The following CNTN5 variants were observed in gnomAD, a reference collection of about 807,000 sequenced individuals.
CNTN5 encodes contactin 5.
CNTN5 carries 77 observed loss-of-function variants against 129.1 expected under a neutral mutation model. The observed-to-expected ratio is 0.60, with a 90% CI of 0.50 to 0.72. The LOEUF (loss-of-function observed/expected upper bound fraction) is 0.72. Ranked by LOEUF, CNTN5 falls within the 30% of genes least tolerant of loss-of-function variation. CNTN5 has a pLI of 0.00. For synonymous variants in CNTN5, 509 were observed against 465.6 expected (o/e 1.09, Z -1.20); for missense variants, 1,478 against 1,328.8 (o/e 1.11, Z -1.75).
chr11:100,165,454 T>G lies in CNTN5; in HGVS notation c.1581-25672T>G, dbSNP rs568356997. ...TCAAATAAGATAATGTATTGAAAAG[T>G]GACTAATGTATCAAAAGAGCTCTGT... is the stretch of plus-strand genomic sequence containing the variant. On this transcript the variant is annotated intron_variant, in intron 13 of 24. Coordinates refer to ENST00000524871, the MANE Select transcript of CNTN5 (RefSeq NM_014361.4). Among the ~76,000 whole-genome samples the G allele has an allele frequency of 9.5e-5, 7 of 73,634 alleles. No homozygotes were observed. The South Asian group carries it at 2.9e-3, about 31-fold the overall frequency. 48.3% of individuals were successfully genotyped at this position (73,634 alleles called of 152,430 possible). A position where few individuals can be genotyped will look rare whatever the true frequency, so the allele number is the denominator to read the frequency against.
In CNTN5 at chr11:99,285,116, C is replaced by T. The variant is rs188286018; in HGVS notation, c.-209-40230C>T. ...TGTGAATGTGTGGTTTCCCCTGTCA[C>T]CCCTAGCCTTCCAGGTAGGCACCTA... On this transcript the variant is annotated intron_variant, in intron 1 of 24. Coordinates refer to ENST00000524871, the MANE Select transcript of CNTN5 (RefSeq NM_014361.4). Among the ~76,000 whole-genome samples the T allele has an allele frequency of 1.3e-3, 196 of 152,166 alleles. 2 individuals are homozygous for T. Among genetic ancestry groups the T allele is most frequent in the Admixed American group, 6.1e-3 (93 of 15,272 alleles).
chr11:99,597,378 G>A (rs1950158610), intron 3 of CNTN5, among the ~76,000 whole-genome samples: 1 of 152,100 alleles, frequency 6.6e-6, no homozygotes, highest in South Asian at 2.1e-4. Flanking sequence ...TAGTAGAATA[G>A]AGGTAGGAAA....
chr11:100,076,557 T>C (rs1421029381), intron 13 of CNTN5, among the ~76,000 whole-genome samples: 1 of 152,180 alleles, frequency 6.6e-6, no homozygotes, highest in Non-Finnish European at 1.5e-5. Flanking sequence ...TCTTTACTGC[T>C]AACCCTTGGG....
chr11:100,317,454 A>AC (rs1565424414), intron 21 of CNTN5, among the ~76,000 whole-genome samples: 1 of 152,242 alleles, frequency 6.6e-6, no homozygotes, highest in African/African-American at 2.4e-5. Context: ...TATTAATACT[A>AC]CATTAAAGTA....
At chr11:99,326,976 C>T (rs11219402) in intron 2 of CNTN5, among the ~76,000 whole-genome samples, 29,308 of 152,048 alleles carry the variant, frequency 0.19, 2,856 homozygotes, top group Middle Eastern at 0.26. Flanking sequence ...TAAACGTAAA[C>T]ATCTTGGAAG....
intron 2 of CNTN5, among the ~76,000 whole-genome samples, chr11:99,408,541 CT>C: frequency 7.1e-6 from 1 of 141,426 alleles, no homozygotes; most frequent in South Asian, 2.3e-4. Flanking sequence ...AATATGTTGC[CT>C]GGGCTGACCT....
At chr11:99,036,779 A>AAAGT (rs1863756611) in intron 1 of CNTN5, among the ~76,000 whole-genome samples, 1 of 152,210 alleles carries the variant, frequency 6.6e-6, no homozygotes, top group Non-Finnish European at 1.5e-5. Context: ...GTTCTAAAAG[A>AAAGT]AAGTATGTTT....
intron 3 of CNTN5, among the ~76,000 whole-genome samples, chr11:99,629,315 T>A (rs1287744991): frequency 6.6e-6 from 1 of 152,002 alleles, no homozygotes. Context: ...CACTAGGTGG[T>A]GAGATTTTAT....
intron 9 of CNTN5, among the ~76,000 whole-genome samples, chr11:100,008,258 G>T (rs1033122838): frequency 3.3e-5 from 5 of 152,092 alleles, no homozygotes; most frequent in African/African-American, 1.2e-4. Flanking sequence ...AATTGTGCCA[G>T]TAGATTTGCT....
At chr11:99,729,124 T>C (rs937332268) in intron 3 of CNTN5, among the ~76,000 whole-genome samples, 2 of 152,164 alleles carry the variant, frequency 1.3e-5, no homozygotes, top group Non-Finnish European at 2.9e-5. Context: ...GGCATCTTTA[T>C]GTCTTTACAT....
intron 3 of CNTN5, among the ~76,000 whole-genome samples, chr11:99,657,896 A>G (rs910100551): frequency 6.6e-6 from 1 of 152,180 alleles, no homozygotes; most frequent in Non-Finnish European, 1.5e-5. Flanking sequence ...TTTATTATAA[A>G]AGCACTAACC....
At chr11:99,091,834 C>T (rs1866266601) in intron 1 of CNTN5, among the ~76,000 whole-genome samples, 3 of 152,008 alleles carry the variant, frequency 2.0e-5, no homozygotes, top group African/African-American at 4.8e-5. Flanking sequence ...ACAATGGATA[C>T]GAGGAGAAAA....
intron 3 of CNTN5, among the ~76,000 whole-genome samples, chr11:99,666,648 A>T (rs1952803168): frequency 1.3e-5 from 2 of 152,196 alleles, no homozygotes; most frequent in Admixed American, 1.3e-4. Flanking sequence ...TGGAGTTCGG[A>T]GACAGCCGCA....
At chr11:99,303,941 A>G (rs952259397) in intron 1 of CNTN5, among the ~76,000 whole-genome samples, 10 of 152,224 alleles carry the variant, frequency 6.6e-5, no homozygotes, top group Admixed American at 6.5e-4. Flanking sequence ...AAATGGTTTG[A>G]ATAATCTCCT....
intron 4 of CNTN5, among the ~76,000 whole-genome samples, chr11:99,841,724 A>G (rs189089427): frequency 2.7e-5 from 4 of 150,418 alleles, no homozygotes; most frequent in African/African-American, 9.7e-5. Flanking sequence ...TAGTCATGGT[A>G]GTAGTAAGCA....
chr11:99,127,257 G>T (rs995377824), intron 1 of CNTN5, among the ~76,000 whole-genome samples: 4 of 152,074 alleles, frequency 2.6e-5, no homozygotes, highest in African/African-American at 9.7e-5. Context: ...AAAATGTATT[G>T]CATGATTTTC....
intron 6 of CNTN5, among the ~76,000 whole-genome samples, chr11:99,886,165 G>GGAAAA (rs1224262298): frequency 6.6e-6 from 1 of 151,742 alleles, no homozygotes; most frequent in Non-Finnish European, 1.5e-5. Flanking sequence ...CTTGAACTAG[G>GGAAAA]GAAAACTAAG....
chr11:99,138,113 TG>T (rs1413138410), intron 1 of CNTN5, among the ~76,000 whole-genome samples: 1 of 152,194 alleles, frequency 6.6e-6, no homozygotes, highest in East Asian at 1.9e-4. Context: ...TTTTACATTT[TG>T]TATTATATAA....
intron 3 of CNTN5, among the ~76,000 whole-genome samples, chr11:99,783,679 A>G (rs1945400319): frequency 7.1e-6 from 1 of 141,442 alleles, no homozygotes; most frequent in South Asian, 2.4e-4. Context: ...AGGGACATGG[A>G]TGAAATTGGA....
Sources: allele counts gnomAD v4.1 joint callset (sites outside exome capture counted in the v4.1 genomes callset), GRCh38; gene constraint gnomAD v4.1.1; transcripts MANE v1.5; gene names NCBI Gene and HGNC (gene_info 2026-07-23, HGNC 2026-07-21).